Variants in CNTN4 observed in about 807,000 individuals in gnomAD.
The protein encoded by CNTN4 is contactin 4, also known as contactin-4.
Under a neutral mutation model 122.5 loss-of-function variants are expected in CNTN4, and 77 were observed. The ratio of observed to expected loss-of-function variants is 0.63; its 90% CI spans 0.52 to 0.76. The LOEUF (loss-of-function observed/expected upper bound fraction) is 0.76, where lower values mean the gene tolerates loss of function less well. Ranked by LOEUF, CNTN4 falls within the 30% of genes least tolerant of loss-of-function variation. The pLI is 0.00. For missense variants in CNTN4, 1,256 were observed against 1,259.1 expected (o/e 1.00, Z 0.04); for synonymous variants, 512 against 447.0 (o/e 1.15, Z -1.83).
intron 2 of CNTN4, among the ~76,000 whole-genome samples, chr3:2,242,518 C>T (rs2149620325): frequency 6.6e-6 from 1 of 152,210 alleles, no homozygotes. Context: ...AGCAGAGACA[C>T]TTTTTTAACA....
At chr3:2,230,054 G>T (rs1219143615) in intron 2 of CNTN4, among the ~76,000 whole-genome samples, 2 of 152,178 alleles carry the variant, frequency 1.3e-5, no homozygotes, top group African/African-American at 4.8e-5. Context: ...TCATTATTAA[G>T]CTTTATTAGA....
chr3:2,258,871 C>A (rs898057884), intron 2 of CNTN4, among the ~76,000 whole-genome samples: 4 of 152,132 alleles, frequency 2.6e-5, no homozygotes, highest in African/African-American at 9.7e-5. Flanking sequence ...ACTTTTCCAT[C>A]TTGTCCACCA....
At chr3:2,771,296 C>A (rs1340986717) in intron 6 of CNTN4, among the ~76,000 whole-genome samples, 1 of 152,318 alleles carries the variant, frequency 6.6e-6, no homozygotes, top group East Asian at 1.9e-4. Flanking sequence ...TTTAAATACT[C>A]TACAACATGG....
At chr3:2,293,291 G>A (rs2150011411) in intron 2 of CNTN4, among the ~76,000 whole-genome samples, 1 of 152,316 alleles carries the variant, frequency 6.6e-6, no homozygotes, top group East Asian at 1.9e-4. Context: ...ATCTTATACT[G>A]TGACCCTGAA....
rs549676235 is a variant in CNTN4, at chr3:2,288,780, A to G, written c.-144-50398A>G. Among the ~76,000 whole-genome samples the G allele has an allele frequency of 2.0e-5, 3 of 152,298 alleles. No homozygotes were observed. The East Asian group carries it at 5.8e-4, about 29-fold the overall frequency. On this transcript the variant is annotated intron_variant, in intron 2 of 24. Transcript: ENST00000418658. ...AATCAGAATGAAAGAAAACAATACAAGTTTTGTTTTGTTGGTAGGAAAATG... is the reference window on the plus strand; with the variant it reads ...AATCAGAATGAAAGAAAACAATACAGGTTTTGTTTTGTTGGTAGGAAAATG...
In CNTN4 at chr3:2,709,504, T is replaced by C. The variant is rs1399137588; in HGVS notation, c.56-26711T>C. ...TAATCCCCGCAATTACAGGGTTTTA[T>C]ATCGTTTGCCTCAGGCTAAAGATTT... On this transcript the variant is annotated intron_variant, in intron 4 of 24. Coordinates refer to ENST00000418658, the MANE Select transcript of CNTN4 (RefSeq NM_175607.3). The surrounding 1 kb of genome is among the most constrained non-coding windows in gnomAD (Gnocchi z 5.0). Among the ~76,000 whole-genome samples the C allele has an allele frequency of 6.6e-6, 1 of 152,212 alleles. No individual in the cohort carries two copies. Among genetic ancestry groups the C allele is most frequent in the Non-Finnish European group, 1.5e-5 (1 of 68,036 alleles).
intron 2 of CNTN4, among the ~76,000 whole-genome samples, chr3:2,194,820 T>G (rs2149357319): frequency 6.6e-6 from 1 of 152,116 alleles, no homozygotes; most frequent in Non-Finnish European, 1.5e-5. Flanking sequence ...TATGAAGAAG[T>G]TTTCGTGACA....
intron 3 of CNTN4, among the ~76,000 whole-genome samples, chr3:2,345,963 A>G (rs573789106): frequency 6.6e-6 from 1 of 152,112 alleles, no homozygotes; most frequent in Admixed American, 6.5e-5. Context: ...TTTGTTTTCA[A>G]CCTTTATGTT....
chr3:2,373,761 A>T (rs1226758901), intron 3 of CNTN4, among the ~76,000 whole-genome samples: 1 of 152,220 alleles, frequency 6.6e-6, no homozygotes, highest in Non-Finnish European at 1.5e-5. Context: ...TACTGTGCAG[A>T]TACAGTATGT....
chr3:2,174,313 A>T (rs2036650628), intron 2 of CNTN4, among the ~76,000 whole-genome samples: 1 of 152,228 alleles, frequency 6.6e-6, no homozygotes, highest in Non-Finnish European at 1.5e-5. Context: ...AAATATGCAT[A>T]CATGTCTTAG....
intron 4 of CNTN4, among the ~76,000 whole-genome samples, chr3:2,613,584 A>G (rs1166502368): frequency 2.6e-5 from 4 of 152,126 alleles, no homozygotes; most frequent in Non-Finnish European, 5.9e-5. Flanking sequence ...GACCATGTAT[A>G]TTGTACTTTT....
intron 3 of CNTN4, among the ~76,000 whole-genome samples, chr3:2,487,029 C>T (rs2076182890): frequency 6.6e-6 from 1 of 152,044 alleles, no homozygotes; most frequent in Non-Finnish European, 1.5e-5. Flanking sequence ...AATGGGCCAC[C>T]AAATTCCTGC....
intron 4 of CNTN4, among the ~76,000 whole-genome samples, chr3:2,584,942 TAGAC>T (rs1251787676): frequency 2.0e-5 from 3 of 151,880 alleles, no homozygotes; most frequent in Admixed American, 6.6e-5. Flanking sequence ...GATAGATAGA[TAGAC>T]AGAAAAAAAT....
At chr3:2,632,583 G>T (rs1382996503) in intron 4 of CNTN4, among the ~76,000 whole-genome samples, 2 of 152,164 alleles carry the variant, frequency 1.3e-5, no homozygotes, top group Non-Finnish European at 2.9e-5. Context: ...GACATTGAGA[G>T]AACCCTGAAC....
At chr3:2,870,614 T>A (rs2093773688) in intron 8 of CNTN4, among the ~76,000 whole-genome samples, 1 of 152,142 alleles carries the variant, frequency 6.6e-6, no homozygotes, top group South Asian at 2.1e-4. Context: ...AAGTGCAAGG[T>A]GAGTATAGAA....
At chr3:2,854,199 G>A (rs1016828226) in intron 7 of CNTN4, among the ~76,000 whole-genome samples, 2 of 151,448 alleles carry the variant, frequency 1.3e-5, no homozygotes, top group African/African-American at 4.8e-5. Flanking sequence ...GCATTAGCAA[G>A]ACGCAGGGAA....
intron 6 of CNTN4, among the ~76,000 whole-genome samples, chr3:2,790,072 AT>A (rs149285465): frequency 0.018 from 2,691 of 152,322 alleles, 28 homozygotes; most frequent in African/African-American, 0.033. Flanking sequence ...TACAAGCATA[AT>A]TTCACTTCTT....
intron 10 of CNTN4, among the ~76,000 whole-genome samples, chr3:2,892,686 C>A (rs1422056248): frequency 6.6e-6 from 1 of 152,138 alleles, no homozygotes; most frequent in African/African-American, 2.4e-5. Context: ...TATTTAATAT[C>A]TTTGTACAGT....
At chr3:2,317,859 A>G (rs2043158128) in intron 2 of CNTN4, among the ~76,000 whole-genome samples, 1 of 152,144 alleles carries the variant, frequency 6.6e-6, no homozygotes, top group Non-Finnish European at 1.5e-5. Context: ...TTTTTCTGAG[A>G]AGACTAACGT....
Sources: gnomAD v4.1 joint callset for allele counts (sites outside exome capture counted in the v4.1 genomes callset) on GRCh38, gnomAD v4.1.1 for gene constraint, Gnocchi (gnomAD v3.1) non-coding constraint, MANE v1.5 for transcripts, NCBI Gene and HGNC (gene_info 2026-07-23, HGNC 2026-07-21) for gene names.